The following ZNF652 variants were observed in gnomAD, a reference collection of about 807,000 sequenced individuals.
The protein encoded by ZNF652 is zinc finger protein 652.
In ZNF652, 16 loss-of-function variants were observed where a neutral mutation model predicts 45.2. The observed-to-expected ratio is 0.35, with a 90% confidence interval of 0.24 to 0.54. The LOEUF is 0.54. Ranked by LOEUF, ZNF652 falls within the 20% of genes least tolerant of loss-of-function variation. The probability of loss-of-function intolerance (pLI) is 0.91; values close to 1 mark genes in which losing one functional copy is unlikely to be tolerated. For missense variants in ZNF652, 614 were observed against 765.6 expected, an observed-to-expected ratio of 0.80 and a Z score of 2.34; for synonymous variants, 250 against 260.6, an observed-to-expected ratio of 0.96 and a Z score of 0.39.
chr17:49,337,950 A>C (rs184257704), intron 1 of ZNF652, among the ~76,000 whole-genome samples: 1 of 152,290 alleles, frequency 6.6e-6, no homozygotes, highest in Non-Finnish European at 1.5e-5. Context: ...TTGAGAAGCA[A>C]GACCTATGCA....
intron 1 of ZNF652, among the ~76,000 whole-genome samples, chr17:49,348,373 C>G (rs530417235): frequency 6.6e-6 from 1 of 151,570 alleles, no homozygotes; most frequent in African/African-American, 2.4e-5. Flanking sequence ...TGCCTCCCAG[C>G]TACTTGGGAG....
At chr17:49,333,592 T>C (rs1598305349) in intron 1 of ZNF652, among the ~76,000 whole-genome samples, 1 of 123,146 alleles carries the variant, frequency 8.1e-6, no homozygotes, top group Non-Finnish European at 1.7e-5. Flanking sequence ...TGGTGGCGGG[T>C]GCCTGTAGTC....
At chr17:49,357,808 T>C (rs548262159) in intron 1 of ZNF652, among the ~76,000 whole-genome samples, 8 of 152,266 alleles carry the variant, frequency 5.3e-5, no homozygotes, top group African/African-American at 1.7e-4. Flanking sequence ...ACTGTAGAAT[T>C]TGGAGCTAGA....
At chr17:49,316,698 C>A in intron 2 of ZNF652, 128 bp downstream of exon 2, 1 of 1,035,716 alleles carries the variant, frequency 9.7e-7, no homozygotes. Context: ...AGGAGCTTTT[C>A]AAATGATAAA....
At chr17:49,353,622 AC>A (rs1313280607) in intron 1 of ZNF652, among the ~76,000 whole-genome samples, 1 of 152,136 alleles carries the variant, frequency 6.6e-6, no homozygotes, top group Non-Finnish European at 1.5e-5. Flanking sequence ...AAGTGCCCAT[AC>A]CAACCCAATT....
At chr17:49,309,542 C>T (rs2069680748) in intron 5 of ZNF652, among the ~76,000 whole-genome samples, 1 of 150,948 alleles carries the variant, frequency 6.6e-6, no homozygotes, top group Non-Finnish European at 1.5e-5. Flanking sequence ...CCAAAAAACC[C>T]CCCAAAACTT....
chr17:49,316,185 G>A (rs1440254268), intron 2 of ZNF652, among the ~76,000 whole-genome samples: 2 of 152,146 alleles, frequency 1.3e-5, no homozygotes, highest in African/African-American at 4.8e-5. Flanking sequence ...TTTGAATACC[G>A]TTATTTTGTT....
chr17:49,294,868 A>G lies in ZNF652; in HGVS notation c.*3545T>C, dbSNP rs1335582241. On this transcript the variant is annotated 3_prime_UTR_variant, in exon 6 of 6. Coordinates refer to ENST00000430262, the MANE Select transcript of ZNF652 (RefSeq NM_001145365.3). Reference sequence around the variant, plus strand: ...GGCTGAGAACTCAAACTTCTCCATAATTCTTTTTTTCATAAACAGATAACA... The same window carrying G: ...GGCTGAGAACTCAAACTTCTCCATAGTTCTTTTTTTCATAAACAGATAACA... 6.6e-6 allele frequency: 1 copy of G among 152,204 alleles called. No individual in the cohort carries two copies. The highest frequency in any genetic ancestry group is 2.4e-5 in the African/African-American group (1 of 41,444). The allele number at this position is 152,204 out of a possible 1,614,324, so 9.4% of individuals were successfully genotyped here.
intron 5 of ZNF652, among the ~76,000 whole-genome samples, chr17:49,301,486 T>C (rs1195179303): frequency 1.3e-5 from 2 of 152,052 alleles, no homozygotes; most frequent in Non-Finnish European, 2.9e-5. Context: ...TTAGTAGAGA[T>C]GGGGTTTCAC....
At chr17:49,344,995 T>C (rs2143050324) in intron 1 of ZNF652, among the ~76,000 whole-genome samples, 1 of 152,292 alleles carries the variant, frequency 6.6e-6, no homozygotes, top group Middle Eastern at 3.4e-3. Context: ...AAAAAGTTCT[T>C]GCCAAGTAAT....
intron 1 of ZNF652, among the ~76,000 whole-genome samples, chr17:49,338,090 T>C (rs780953876): frequency 2.6e-5 from 4 of 151,610 alleles, no homozygotes. Flanking sequence ...CAGGCTCAAG[T>C]AATCCTCCCA....
chr17:49,298,984 C>CT (rs541337059), intron 5 of ZNF652, 60 bp from the exon 6 acceptor site: 20,727 of 1,169,822 alleles, frequency 0.018, 170 homozygotes, highest in African/African-American at 0.095. Flanking sequence ...TGTGCTCAAG[C>CT]TTTTTTTTTT....
At chr17:49,324,008 G>A (rs542271291) in intron 1 of ZNF652, among the ~76,000 whole-genome samples, 1 of 152,170 alleles carries the variant, frequency 6.6e-6, no homozygotes, top group African/African-American at 2.4e-5. Context: ...AAGAGAGTCA[G>A]CCTATCTTTT....
intron 1 of ZNF652, among the ~76,000 whole-genome samples, chr17:49,319,626 ACT>A (rs2069860649): frequency 8.5e-6 from 1 of 117,762 alleles, no homozygotes; most frequent in Non-Finnish European, 1.6e-5. Flanking sequence ...AGCTAGCTAG[ACT>A]CTGTCTCAAA....
chr17:49,349,742 A>G (rs1237719911), intron 1 of ZNF652, among the ~76,000 whole-genome samples: 1 of 152,230 alleles, frequency 6.6e-6, no homozygotes, highest in African/African-American at 2.4e-5. Context: ...ACTATTGCAC[A>G]AGAACTATAC....
intron 1 of ZNF652, among the ~76,000 whole-genome samples, chr17:49,332,361 T>C (rs2070034083): frequency 6.6e-6 from 1 of 152,168 alleles, no homozygotes; most frequent in African/African-American, 2.4e-5. Flanking sequence ...TGAAACCAGG[T>C]AGGAAGTTTT....
chr17:49,358,825 G>C (rs1187867869), intron 1 of ZNF652, among the ~76,000 whole-genome samples: 2 of 152,210 alleles, frequency 1.3e-5, no homozygotes, highest in Non-Finnish European at 2.9e-5. Context: ...AGTAGGAGCT[G>C]CTGATCTGAA....
chr17:49,327,726 AATAAATATATATAT>A (rs2069970709), intron 1 of ZNF652, among the ~76,000 whole-genome samples: 5 of 76,044 alleles, frequency 6.6e-5, no homozygotes, highest in South Asian at 1.2e-3. Flanking sequence ...CTTTTAAATA[AATAAATATATATAT>A]ATATATATAT....
At position 49,317,828 on chromosome 17, in the gene ZNF652, C is replaced by T. The variant is rs2069832176; in HGVS notation, c.-103G>A. On this transcript the variant is annotated 5_prime_UTR_variant, in exon 2 of 6. In the 5' UTR this introduces an upstream ATG that the reference lacks. Coordinates refer to ENST00000430262, the MANE Select transcript of ZNF652 (RefSeq NM_001145365.3). ...ATCTTTTCTCATCCACAAAGAATCA[C>T]TCAAATGAAAAAAAGATATTCCTGG... The T allele has an allele frequency of 5.7e-6, 7 of 1,224,842 alleles. No individual in the cohort carries two copies. Among genetic ancestry groups the T allele is most frequent in the Non-Finnish European group, 6.6e-6 (6 of 912,696 alleles). 75.9% of individuals were successfully genotyped at this position (1,224,842 alleles called of 1,614,324 possible).
Sources: gnomAD v4.1 joint callset for allele counts (sites outside exome capture counted in the v4.1 genomes callset) on GRCh38, gnomAD v4.1.1 for gene constraint, MANE v1.5 for transcripts, NCBI Gene and HGNC (gene_info 2026-07-23, HGNC 2026-07-21) for gene names.